CSNK1G1: variants seen among roughly 807,000 people sequenced by gnomAD.
CSNK1G1 encodes casein kinase I isoform gamma-1.
Under a neutral mutation model 59.6 loss-of-function variants are expected in CSNK1G1, and 22 were observed. The observed-to-expected ratio is 0.37, with a 90% CI of 0.26 to 0.53. The LOEUF (loss-of-function observed/expected upper bound fraction) is 0.53. Among genes scored for constraint, CSNK1G1 ranks in the 20% least tolerant of loss-of-function variants. CSNK1G1 has a pLI of 0.89. For missense variants in CSNK1G1, 384 were observed against 519.5 expected, an observed-to-expected ratio of 0.74 and a Z score of 2.54; for synonymous variants, 179 against 177.1, an observed-to-expected ratio of 1.01 and a Z score of -0.08.
At chr15:64,205,550 G>T (rs62024570) in intron 7 of CSNK1G1, among the ~76,000 whole-genome samples, 2 of 152,126 alleles carry the variant, frequency 1.3e-5, no homozygotes, top group African/African-American at 4.8e-5. Flanking sequence ...TATAGCCAGA[G>T]GGCTTCTGAA....
chr15:64,300,605 A>C lies in CSNK1G1; in HGVS notation c.-106T>G. On this transcript the variant is annotated 5_prime_UTR_variant, in exon 2 of 12. Coordinates refer to ENST00000303052, the MANE Select transcript of CSNK1G1 (RefSeq NM_022048.5). ...AATAAATTGTAGTCAGAGAAAGGTA[A>C]GGAGTTCTTTTAGCACCATATTTGT... 4 of 1,445,982 alleles carry C rather than the reference A, an allele frequency of 2.8e-6. No homozygotes were observed. The highest frequency in any genetic ancestry group is 3.7e-6 in the Non-Finnish European group (4 of 1,095,502). 89.6% of individuals were successfully genotyped at this position (1,445,982 alleles called of 1,614,324 possible).
chr15:64,182,977 C>G (rs535962653), intron 10 of CSNK1G1, among the ~76,000 whole-genome samples: 3 of 152,336 alleles, frequency 2.0e-5, no homozygotes, highest in African/African-American at 4.8e-5. Flanking sequence ...TGGACATATT[C>G]TGGCTGCATA....
chr15:64,326,416 C>T (rs1177511507), intron 1 of CSNK1G1, among the ~76,000 whole-genome samples: 1 of 152,036 alleles, frequency 6.6e-6, no homozygotes, highest in African/African-American at 2.4e-5. Context: ...GGCCGAGGTG[C>T]GCAGATCACC....
intron 10 of CSNK1G1, among the ~76,000 whole-genome samples, chr15:64,192,682 G>A (rs2081987422): frequency 6.6e-6 from 1 of 151,390 alleles, no homozygotes; most frequent in South Asian, 2.1e-4. Context: ...AACATGGTGA[G>A]ACCCTGTCTC....
At chr15:64,267,150 G>A (rs1302153216) in intron 2 of CSNK1G1, among the ~76,000 whole-genome samples, 4 of 151,870 alleles carry the variant, frequency 2.6e-5, no homozygotes, top group Middle Eastern at 3.4e-3. Flanking sequence ...CCAGTTACTT[G>A]GGAGGCTGAG....
In CSNK1G1 at chr15:64,354,027, C is replaced by A. The variant is rs190254373; in HGVS notation, c.-225+1961G>T. On this transcript the variant is annotated intron_variant, in intron 1 of 11. Transcript: ENST00000303052. Reference sequence around the variant, plus strand: ...TTTTATCTTAAAATTACAAGTAGGCCGGGCACGGTGGCTCACACCTGTAAT... The same window carrying A: ...TTTTATCTTAAAATTACAAGTAGGCAGGGCACGGTGGCTCACACCTGTAAT... Among the ~76,000 whole-genome samples the A allele has an allele frequency of 7.3e-5, 11 of 150,536 alleles. No individual in the cohort carries two copies. In the East Asian group the frequency reaches 1.6e-3, roughly 22 times the overall value.
chr15:64,184,683 A>G (rs1294870792), intron 10 of CSNK1G1, among the ~76,000 whole-genome samples: 1 of 149,636 alleles, frequency 6.7e-6, no homozygotes, highest in Non-Finnish European at 1.5e-5. Flanking sequence ...TCTCAAAAAA[A>G]AAAAAAAAAA....
chr15:64,184,051 C>T (rs993345450), intron 10 of CSNK1G1, among the ~76,000 whole-genome samples: 1 of 152,068 alleles, frequency 6.6e-6, no homozygotes, highest in Non-Finnish European at 1.5e-5. Flanking sequence ...CGCCTGTAAT[C>T]CCAGCATTTT....
chr15:64,349,358 C>T (rs1305435492), intron 1 of CSNK1G1, among the ~76,000 whole-genome samples: 3 of 152,178 alleles, frequency 2.0e-5, no homozygotes, highest in South Asian at 2.1e-4. Context: ...AGGGCAATGG[C>T]TACCTCTTCA....
intron 2 of CSNK1G1, among the ~76,000 whole-genome samples, chr15:64,273,661 T>G (rs142753755): frequency 1.3e-5 from 2 of 151,332 alleles, no homozygotes; most frequent in Non-Finnish European, 2.9e-5. Context: ...TTGGCTTCTC[T>G]GGGCCACACT....
intron 10 of CSNK1G1, among the ~76,000 whole-genome samples, chr15:64,187,217 C>A (rs2081909733): frequency 6.7e-6 from 1 of 149,370 alleles, no homozygotes; most frequent in South Asian, 2.1e-4. Flanking sequence ...GGGGATGGAG[C>A]CTCATTCTGT....
intron 4 of CSNK1G1, among the ~76,000 whole-genome samples, chr15:64,238,332 T>A (rs774856059): frequency 2.0e-5 from 3 of 149,962 alleles, no homozygotes; most frequent in Non-Finnish European, 4.4e-5. Flanking sequence ...CTATAAAAAA[T>A]AAAAAATTAG....
intron 9 of CSNK1G1, among the ~76,000 whole-genome samples, chr15:64,204,036 G>A (rs529762404): frequency 6.6e-6 from 1 of 151,974 alleles, no homozygotes; most frequent in South Asian, 2.1e-4. Context: ...CTAGCTACTT[G>A]GGAGGCTGAG....
intron 2 of CSNK1G1, among the ~76,000 whole-genome samples, chr15:64,274,271 A>T (rs28597381): frequency 0.076 from 11,522 of 152,268 alleles, 610 homozygotes; most frequent in Non-Finnish European, 0.11. Context: ...CACAAAATGC[A>T]GCCATGTTTC....
chr15:64,239,788 G>C (rs565845160), intron 4 of CSNK1G1, among the ~76,000 whole-genome samples: 135 of 149,856 alleles, frequency 9.0e-4, no homozygotes, highest in Non-Finnish European at 1.5e-3. Flanking sequence ...TCAACTAAGA[G>C]ATAGATATAG....
rs1255512686 is a variant in CSNK1G1 at position 64,200,142 on chromosome 15, A to C, written c.1107+2940T>G. Among the ~76,000 whole-genome samples the C allele has an allele frequency of 2.0e-5, 3 of 151,508 alleles. No individual in the cohort carries two copies. The highest frequency in any genetic ancestry group is 4.4e-5 in the Non-Finnish European group (3 of 67,892). On this transcript the variant is annotated intron_variant, in intron 10 of 11. Transcript: ENST00000303052. The surrounding 1 kb of genome is among the most constrained non-coding windows in gnomAD (Gnocchi z 4.3). ...CACCTGTAATCCCAGCTTCTCAGGAAGCTGAGGCAGAAGAATCGCTTGAAC... is the reference window on the plus strand; with the variant it reads ...CACCTGTAATCCCAGCTTCTCAGGACGCTGAGGCAGAAGAATCGCTTGAAC...
intron 10 of CSNK1G1, among the ~76,000 whole-genome samples, chr15:64,183,144 A>G (rs2081841835): frequency 6.6e-6 from 1 of 152,198 alleles, no homozygotes; most frequent in Non-Finnish European, 1.5e-5. Context: ...CACCACTGAG[A>G]ATTACCTGGT....
chr15:64,296,851 C>G (rs1659026229), intron 2 of CSNK1G1, among the ~76,000 whole-genome samples: 1 of 130,678 alleles, frequency 7.7e-6, no homozygotes, highest in Admixed American at 8.0e-5. Context: ...GCAAAAAGAG[C>G]AAAACTCCAT....
intron 4 of CSNK1G1, among the ~76,000 whole-genome samples, chr15:64,218,596 C>T (rs1411265953): frequency 6.6e-6 from 1 of 151,788 alleles, no homozygotes; most frequent in East Asian, 2.0e-4. Context: ...GCCATGTTGG[C>T]CAGGCTGCTC....
Sources: gnomAD v4.1 joint callset for allele counts (sites outside exome capture counted in the v4.1 genomes callset) on GRCh38, gnomAD v4.1.1 for gene constraint, Gnocchi (gnomAD v3.1) non-coding constraint, MANE v1.5 for transcripts, NCBI Gene and HGNC (gene_info 2026-07-23, HGNC 2026-07-21) for gene names.